The following CGNL1 variants were observed in gnomAD, a reference collection of about 807,000 sequenced individuals.
CGNL1 encodes the protein cingulin-like protein 1.
Under a neutral mutation model 141.2 loss-of-function variants are expected in CGNL1, and 132 were observed. That is an observed-to-expected ratio of 0.93 (90% CI 0.81 to 1.08). The LOEUF (loss-of-function observed/expected upper bound fraction) is 1.08, where lower values mean the gene tolerates loss of function less well. Ranked by LOEUF, CGNL1 falls within the 50% of genes least tolerant of loss-of-function variation. CGNL1 has a pLI of 0.00. For missense variants in CGNL1, 1,870 were observed against 1,588.6 expected (o/e 1.18, Z -3.01); for synonymous variants, 690 against 622.1 (o/e 1.11, Z -1.63).
At chr15:57,502,964 C>CT (rs1213838534) in intron 8 of CGNL1, among the ~76,000 whole-genome samples, 1 of 152,314 alleles carries the variant, frequency 6.6e-6, no homozygotes, top group East Asian at 1.9e-4. Flanking sequence ...ATTTAGTCCA[C>CT]TTTCAGAGGT....
intron 7 of CGNL1, 110 bp downstream of exon 7, chr15:57,453,928 C>A: frequency 2.4e-6 from 3 of 1,230,320 alleles, no homozygotes; most frequent in East Asian, 4.9e-5. Flanking sequence ...ACACCTGCTC[C>A]ACCTGTGCTC....
At chr15:57,461,060 C>A (rs2063439729) in intron 7 of CGNL1, among the ~76,000 whole-genome samples, 1 of 152,028 alleles carries the variant, frequency 6.6e-6, no homozygotes, top group Non-Finnish European at 1.5e-5. Flanking sequence ...GAATGCCGAG[C>A]CTTTGGCAGG....
chr15:57,496,699 G>GA (rs2063943812), intron 8 of CGNL1, among the ~76,000 whole-genome samples: 1 of 152,186 alleles, frequency 6.6e-6, no homozygotes, highest in South Asian at 2.1e-4. Context: ...ATGAAAGCAT[G>GA]AGCCCTGGAG....
At chr15:57,468,480 C>T (rs750408571) in intron 8 of CGNL1, among the ~76,000 whole-genome samples, 6 of 151,952 alleles carry the variant, frequency 3.9e-5, no homozygotes, top group Non-Finnish European at 7.4e-5. Flanking sequence ...CATCTGCTCA[C>T]GTCAGCCTCC....
intron 1 of CGNL1, among the ~76,000 whole-genome samples, chr15:57,405,605 G>C (rs2062706359): frequency 6.6e-6 from 1 of 152,118 alleles, no homozygotes; most frequent in Non-Finnish European, 1.5e-5. Context: ...GTGGAGCTGG[G>C]GATCCTGAGA....
At position 57,438,263 on chromosome 15, in the gene CGNL1, C is replaced by T. The variant is rs1321275232; in HGVS notation, c.264C>T (p.Ser88=). ...PPVINNLPLH[S]SNGSVPKENS... ...TGATAAATAACCTGCCTCTACATTC[C>T]AGCAATGGTTCTGTGCCAAAGGAGA... Residue 88 remains serine (S), a synonymous_variant, in exon 2 of 19, where the codon TCC becomes TCT. Coordinates refer to ENST00000281282, the MANE Select transcript of CGNL1 (RefSeq NM_032866.5). 1 of 1,614,044 alleles carries T rather than the reference C, an allele frequency of 6.2e-7. No individual in the cohort carries two copies. The highest frequency in any genetic ancestry group is 8.5e-7 in the Non-Finnish European group (1 of 1,180,048).
intron 4 of CGNL1, among the ~76,000 whole-genome samples, chr15:57,449,215 T>G (rs11071320): frequency 0.32 from 48,498 of 151,968 alleles, 8,528 homozygotes; most frequent in South Asian, 0.44. Context: ...CATATACAGC[T>G]TAGGATATCA....
intron 8 of CGNL1, among the ~76,000 whole-genome samples, chr15:57,506,063 A>G (rs1450058239): frequency 6.6e-6 from 1 of 152,164 alleles, no homozygotes; most frequent in African/African-American, 2.4e-5. Context: ...TCTTTCTTCA[A>G]AAATCCTGTT....
intron 8 of CGNL1, among the ~76,000 whole-genome samples, chr15:57,473,673 C>T (rs2063611314): frequency 1.3e-5 from 2 of 152,082 alleles, no homozygotes; most frequent in African/African-American, 4.8e-5. Flanking sequence ...AGCCAGCTGC[C>T]ATGTTGTAAG....
At chr15:57,467,817 G>A (rs1466394910) in intron 8 of CGNL1, among the ~76,000 whole-genome samples, 1 of 151,070 alleles carries the variant, frequency 6.6e-6, no homozygotes, top group African/African-American at 2.4e-5. Context: ...ATCCTCCTGA[G>A]TAGCTGGGAT....
rs3742964 is a variant in CGNL1 at position 57,549,393 on chromosome 15, A to T, written c.*1903A>T. ...GTGGGCCAGAGGACTCCATGACAGT[A>T]GCCATGGAGTCCCACCTGTGCCAGG... On this transcript the variant is annotated 3_prime_UTR_variant, in exon 19 of 19. Transcript: ENST00000281282. 27,447 of 152,120 alleles carry T rather than the reference A, an allele frequency of 0.18. 2,566 individuals are homozygous for T. Among genetic ancestry groups the T allele is most frequent in the Admixed American group, 0.21 (3,242 of 15,290 alleles). 9.4% of individuals were successfully genotyped at this position (152,120 alleles called of 1,614,324 possible). A position where few individuals can be genotyped will look rare whatever the true frequency, so the allele number is the denominator to read the frequency against.
chr15:57,404,696 C>A (rs1949144), intron 1 of CGNL1, among the ~76,000 whole-genome samples: 21,759 of 152,044 alleles, frequency 0.14, 1,940 homozygotes, highest in African/African-American at 0.25. Flanking sequence ...CTCAGAGAAC[C>A]CCAAATTTCT....
chr15:57,495,278 C>T (rs1223363967), intron 8 of CGNL1, among the ~76,000 whole-genome samples: 1 of 152,120 alleles, frequency 6.6e-6, no homozygotes, highest in Non-Finnish European at 1.5e-5. Flanking sequence ...AGCTCATTTA[C>T]CACCATGCCT....
intron 2 of CGNL1, among the ~76,000 whole-genome samples, chr15:57,439,864 G>A (rs2063163212): frequency 6.6e-6 from 1 of 152,132 alleles, no homozygotes; most frequent in African/African-American, 2.4e-5. Context: ...CTACAGAGAG[G>A]CTCAATTGTT....
chr15:57,499,169 A>C (rs1187359913), intron 8 of CGNL1, among the ~76,000 whole-genome samples: 1 of 150,458 alleles, frequency 6.6e-6, no homozygotes, highest in Non-Finnish European at 1.5e-5. Context: ...GTCGCATGGC[A>C]GTGGTAGAGG....
chr15:57,441,658 C>T (rs897904524), intron 3 of CGNL1, among the ~76,000 whole-genome samples: 6 of 152,116 alleles, frequency 3.9e-5, no homozygotes, highest in East Asian at 1.9e-4. Context: ...CGTGAGCCAC[C>T]GCACCTGGCC....
intron 1 of CGNL1, among the ~76,000 whole-genome samples, chr15:57,407,859 C>G (rs1185989672): frequency 6.6e-6 from 1 of 151,272 alleles, no homozygotes; most frequent in African/African-American, 2.4e-5. Context: ...AGTGATTCTC[C>G]TGCCCCCGCC....
chr15:57,413,917 A>T (rs969574100), intron 1 of CGNL1, among the ~76,000 whole-genome samples: 1 of 152,154 alleles, frequency 6.6e-6, no homozygotes, highest in Admixed American at 6.5e-5. Context: ...ATGCCTCCAG[A>T]GCCCCATTTG....
At chr15:57,393,664 TGAGA>T (rs35449785) in intron 1 of CGNL1, among the ~76,000 whole-genome samples, 23,847 of 151,930 alleles carry the variant, frequency 0.16, 2,003 homozygotes, top group East Asian at 0.22. Flanking sequence ...TTAAATTTCT[TGAGA>T]GAGAGAGAAA....
Sources: allele counts gnomAD v4.1 joint callset (sites outside exome capture counted in the v4.1 genomes callset), GRCh38; gene constraint gnomAD v4.1.1; transcripts MANE v1.5; gene names NCBI Gene and HGNC (gene_info 2026-07-23, HGNC 2026-07-21).